The following MAP7D1 variants were observed in gnomAD, a reference collection of about 807,000 sequenced individuals.
The protein encoded by MAP7D1 is MAP7 domain containing 1.
Under a neutral mutation model 97.5 loss-of-function variants are expected in MAP7D1, and 30 were observed. That is an observed-to-expected ratio of 0.31 (90% CI 0.23 to 0.42). The LOEUF (loss-of-function observed/expected upper bound fraction) is 0.42. MAP7D1 is among the 10% of genes least tolerant of loss of function. The pLI, the probability that MAP7D1 is intolerant of heterozygous loss-of-function variation, is 1.00. For synonymous variants in MAP7D1, 536 were observed against 477.1 expected (o/e 1.12, Z -1.61); for missense variants, 1,184 against 1,179.5 (o/e 1.00, Z -0.06).
chr1:36,170,979 GC>G lies in MAP7D1; in HGVS notation c.57del (p.Arg20GlyfsTer36). ...TTGTGTTGGTCTTTCAGCTGTGGTC[GC>G]CAGGACCCCCCCAGAGCCAAGACCT... Reference protein sequence around the residue: ...LGAGAPPAVVARTPPEPRPSP... With the variant: ...LGAGAPPAVVXRTPPEPRPSP... On this transcript the variant is annotated frameshift_variant, in exon 2 of 17. Transcript: ENST00000474796. LOFTEE classifies it high-confidence loss of function. 1 of 1,419,664 alleles carries G rather than the reference GC, an allele frequency of 7.0e-7. No homozygotes were observed. Among genetic ancestry groups the G allele is most frequent in the Non-Finnish European group, 9.8e-7 (1 of 1,018,768 alleles). 87.9% of individuals were successfully genotyped at this position (1,419,664 alleles called of 1,614,324 possible).
chr1:36,166,349 A>G (rs1285141438), intron 1 of MAP7D1, among the ~76,000 whole-genome samples: 1 of 150,464 alleles, frequency 6.6e-6, no homozygotes, highest in Non-Finnish European at 1.5e-5. Context: ...CAAATGAGGA[A>G]TCATTGCAGG....
At chr1:36,179,427 G>A in intron 13 of MAP7D1, 88 bp from the exon 14 acceptor site, 7 of 1,574,912 alleles carry the variant, frequency 4.4e-6, no homozygotes, top group South Asian at 1.1e-5. Context: ...AGGCCGCTGC[G>A]GCCCGGGCAA....
At chr1:36,160,097 G>C (rs1009340604) in intron 1 of MAP7D1, among the ~76,000 whole-genome samples, 7 of 152,244 alleles carry the variant, frequency 4.6e-5, no homozygotes, top group Non-Finnish European at 1.0e-4. Flanking sequence ...TCAGGTCTCA[G>C]GTCTGACCCA....
chr1:36,160,074 G>A (rs1390363107), intron 1 of MAP7D1, among the ~76,000 whole-genome samples: 1 of 152,240 alleles, frequency 6.6e-6, no homozygotes, highest in African/African-American at 2.4e-5. Flanking sequence ...GGCCATACTT[G>A]AGGGCCATCA....
At position 36,179,111 on chromosome 1, in the gene MAP7D1, C is replaced by T. The variant is rs932573476; in HGVS notation, c.2130+86C>T. On this transcript the variant is annotated intron_variant, in intron 12 of 16. Transcript: ENST00000474796. ...GGGCCTGGGCTTAGAGCGGACAGGACGGGAAAGCGCTGGGGCAAATTCCAG... is the reference window on the plus strand; with the variant it reads ...GGGCCTGGGCTTAGAGCGGACAGGATGGGAAAGCGCTGGGGCAAATTCCAG... 1.2e-4 allele frequency: 184 copies of T among 1,497,688 alleles called. 2 individuals are homozygous for T. In the South Asian group the frequency reaches 1.7e-3, roughly 14 times the overall value. The allele number at this position is 1,497,688 out of a possible 1,614,324, so 92.8% of individuals were successfully genotyped here.
In MAP7D1 at chr1:36,161,863, A is replaced by ATGTGTG. The variant is rs371183852; in HGVS notation, c.46+5408_46+5413dup. 2.2e-4 allele frequency among the ~76,000 whole-genome samples: 30 copies of ATGTGTG among 137,950 alleles called. No individual in the cohort carries two copies. The East Asian group carries it at 3.1e-3, about 14-fold the overall frequency. 90.5% of individuals were successfully genotyped at this position (137,950 alleles called of 152,430 possible). On this transcript the variant is annotated intron_variant, in intron 1 of 16. Transcript: ENST00000474796. Reference sequence around the variant, plus strand: ...ATCCCAGTAAGTCTGTTTCCTCTGCATGTGTGTGTGTGTATGTGTGTGTGT... The same window carrying ATGTGTG: ...ATCCCAGTAAGTCTGTTTCCTCTGCATGTGTGTGTGTGTGTGTGTATGTGTGTGTGT...
At chr1:36,171,801 G>A in intron 3 of MAP7D1, 1 of 404,028 alleles carries the variant, frequency 2.5e-6, no homozygotes, top group Non-Finnish European at 4.7e-6. Flanking sequence ...AGGCATGGTG[G>A]CACATCCCTG....
In MAP7D1 at chr1:36,159,607, C is replaced by T. The variant is rs1429492262; in HGVS notation, c.46+3144C>T. Among the ~76,000 whole-genome samples, 2 of 152,188 alleles carry T rather than the reference C, an allele frequency of 1.3e-5. No individual in the cohort carries two copies. The highest frequency in any genetic ancestry group is 4.8e-5 in the African/African-American group (2 of 41,434). Reference sequence around the variant, plus strand: ...CCCATGCTGATGCCCCACCTTATGCCAGCTCGGTGTAGTCTATGTGGACGG... The same window carrying T: ...CCCATGCTGATGCCCCACCTTATGCTAGCTCGGTGTAGTCTATGTGGACGG... On this transcript the variant is annotated intron_variant, in intron 1 of 16. Coordinates refer to ENST00000474796, the MANE Select transcript of MAP7D1 (RefSeq NM_001388490.1). The surrounding 1 kb of genome is among the most constrained non-coding windows in gnomAD (Gnocchi z 5.4).
In MAP7D1 at chr1:36,171,330, C is replaced by A; in HGVS notation, c.391+15C>A. On this transcript the variant is annotated intron_variant, in intron 2 of 16. Transcript: ENST00000474796. ...CACCAAGCAAGGTGTGTGTAATGACCCCGGCCTGGGCCTAAACCTCTTGGC... is the reference window on the plus strand; with the variant it reads ...CACCAAGCAAGGTGTGTGTAATGACACCGGCCTGGGCCTAAACCTCTTGGC... The A allele has an allele frequency of 2.1e-5, 32 of 1,552,010 alleles. No individual in the cohort carries two copies. Among genetic ancestry groups the A allele is most frequent in the Non-Finnish European group, 2.8e-5 (32 of 1,148,020 alleles).
At position 36,178,153 on chromosome 1, in the gene MAP7D1, A is replaced by T. The variant is rs745465401; in HGVS notation, c.1660A>T (p.Thr554Ser). 4 of 1,531,964 alleles carry T rather than the reference A, an allele frequency of 2.6e-6. No individual in the cohort carries two copies. The highest frequency in any genetic ancestry group is 3.5e-6 in the Non-Finnish European group (4 of 1,128,486). The allele number at this position is 1,531,964 out of a possible 1,614,324, so 94.9% of individuals were successfully genotyped here. Residue 554 changes from threonine to serine, a missense_variant, in exon 9 of 17, where the codon ACC becomes TCC. Coordinates refer to ENST00000474796, the MANE Select transcript of MAP7D1 (RefSeq NM_001388490.1). ...SPAPSPAPSP[T>S]PAPPQKEQPP... ...GGCACCTTCGCCGGCGCCCTCGCCC[A>T]CCCCAGCCCCGCCCCAGAAGGAGCA...
At chr1:36,177,557 A>C (rs1183750595) in intron 8 of MAP7D1, 1 of 638,610 alleles carries the variant, frequency 1.6e-6, no homozygotes, top group South Asian at 1.5e-5. Context: ...AAACCTGCTG[A>C]ATGAATGGAC....
intron 1 of MAP7D1, among the ~76,000 whole-genome samples, chr1:36,163,585 A>G (rs1026826547): frequency 1.3e-5 from 2 of 152,176 alleles, no homozygotes; most frequent in African/African-American, 4.8e-5. Flanking sequence ...ATTTGTATTC[A>G]GGGTCAATAG....
Position 36,179,659 on chromosome 1 carries a change from G to C in MAP7D1, c.2228-7G>C, listed in dbSNP as rs1006720292. On this transcript the variant is annotated splice_region_variant and splice_polypyrimidine_tract_variant and intron_variant, in intron 14 of 16. Transcript: ENST00000474796. ...CCTGGCTGATGGCCCCTCTTTCCCT[G>C]TGACAGAGCCTGTGAAAGCTGTGGA... 1 of 1,535,834 alleles carries C rather than the reference G, an allele frequency of 6.5e-7. No homozygotes were observed. Among genetic ancestry groups the C allele is most frequent in the Non-Finnish European group, 8.8e-7 (1 of 1,138,276 alleles).
At position 36,172,480 on chromosome 1, in the gene MAP7D1, G is replaced by T; in HGVS notation, c.477G>T (p.Val159=). ...RAKYLAAKKA[V]WLEKEEKAKA... is the part of the protein sequence containing the mutation. ...TGTCCACAGCGGCCAAGAAGGCAGT[G>T]TGGCTGGAGAAGGAGGAGAAGGCCA... The change falls in exon 4 of 17, where the codon GTG becomes GTT. Residue 159 remains valine, a synonymous_variant. Transcript: ENST00000474796. 1 of 1,587,448 alleles carries T rather than the reference G, an allele frequency of 6.3e-7. No homozygotes were observed. Among genetic ancestry groups the T allele is most frequent in the South Asian group, 1.1e-5 (1 of 89,734 alleles).
rs1003793923 is a variant in MAP7D1 at position 36,156,367 on chromosome 1, C to T, written c.-51C>T. ...CGGGACCCCTGTCCTGGCCACTGGC[C>T]GCCGCCGCCGCCGCCGCTGAGACCC... is the stretch of plus-strand genomic sequence containing the variant. On this transcript the variant is annotated 5_prime_UTR_variant, in exon 1 of 17. Coordinates refer to ENST00000474796, the MANE Select transcript of MAP7D1 (RefSeq NM_001388490.1). 1.6e-5 allele frequency: 21 copies of T among 1,306,418 alleles called. No homozygotes were observed. The highest frequency in any genetic ancestry group is 1.9e-5 in the Non-Finnish European group (19 of 980,632). The allele number at this position is 1,306,418 out of a possible 1,614,324, so 80.9% of individuals were successfully genotyped here.
chr1:36,171,063 A>C lies in MAP7D1; in HGVS notation c.139A>C (p.Thr47Pro), dbSNP rs1644535980. ...ACCAATGTCAGCCCTGGTCCCCGAC[A>C]CTCCCCCGGACACCCCTCCTGCCAT... The part of the protein sequence containing the change: ...PPPMSALVPD[T>P]PPDTPPAMKN... The change falls in exon 2 of 17, where the codon ACT becomes CCT. Residue 47 changes from threonine (T) to proline (P), a missense_variant. Coordinates refer to ENST00000474796, the MANE Select transcript of MAP7D1 (RefSeq NM_001388490.1). The C allele has an allele frequency of 3.7e-6, 5 of 1,347,442 alleles. No homozygotes were observed. Among genetic ancestry groups the C allele is most frequent in the African/African-American group, 3.6e-5 (2 of 55,092 alleles). 83.5% of individuals were successfully genotyped at this position (1,347,442 alleles called of 1,614,324 possible).
intron 8 of MAP7D1, chr1:36,177,506 A>C: frequency 2.0e-6 from 1 of 508,308 alleles, no homozygotes; most frequent in South Asian, 1.6e-5. Context: ...CCTGGGGGTC[A>C]GCCAGATTCT....
chr1:36,165,347 T>C (rs1644460782), intron 1 of MAP7D1, among the ~76,000 whole-genome samples: 3 of 152,174 alleles, frequency 2.0e-5, no homozygotes, highest in South Asian at 4.1e-4. Flanking sequence ...GTTCTCAAGC[T>C]CCTGGCCTCA....
At chr1:36,169,384 G>A (rs1450501106) in intron 1 of MAP7D1, among the ~76,000 whole-genome samples, 1 of 151,620 alleles carries the variant, frequency 6.6e-6, no homozygotes, top group East Asian at 1.9e-4. Context: ...GTGAAACCCC[G>A]TCTCTACTAA....
Sources: gnomAD v4.1 joint callset for allele counts (sites outside exome capture counted in the v4.1 genomes callset) on GRCh38, gnomAD v4.1.1 for gene constraint, Gnocchi (gnomAD v3.1) non-coding constraint, MANE v1.5 for transcripts, NCBI Gene and HGNC (gene_info 2026-07-23, HGNC 2026-07-21) for gene names.